NWD2: variants seen among roughly 807,000 people sequenced by gnomAD.
NWD2 encodes the protein NACHT and WD repeat domain-containing protein 2.
A neutral mutation model predicts 132.7 loss-of-function variants in NWD2; 37 were observed. That is an observed-to-expected ratio of 0.28 (90% CI 0.21 to 0.37). The LOEUF is 0.37. NWD2 is among the 10% of genes least tolerant of loss of function. The pLI is 1.00. For missense variants in NWD2, 1,592 were observed against 2,122.4 expected, an observed-to-expected ratio of 0.75 and a Z score of 4.91; for synonymous variants, 705 against 803.0, an observed-to-expected ratio of 0.88 and a Z score of 2.06.
chr4:37,270,967 T>C (rs1577650462), intron 1 of NWD2, among the ~76,000 whole-genome samples: 1 of 152,022 alleles, frequency 6.6e-6, no homozygotes, highest in East Asian at 1.9e-4. Flanking sequence ...TACATTTATC[T>C]GGTTGTCCTT....
At chr4:37,260,634 G>A (rs16993382) in intron 1 of NWD2, among the ~76,000 whole-genome samples, 3,587 of 152,252 alleles carry the variant, frequency 0.024, 152 homozygotes, top group African/African-American at 0.082. Flanking sequence ...ATACAACAAA[G>A]TTTGTGAGGA....
rs139157706 is a variant in NWD2 at position 37,397,843 on chromosome 4, G to C, written c.358-32729G>C. On this transcript the variant is annotated intron_variant, in intron 3 of 6. Transcript: ENST00000309447. Reference sequence around the variant, plus strand: ...CCTCCCTCCTCTACTGCATCTTTCTGTTATTCTCTCTGTCCACTGCCTCTG... The same window carrying C: ...CCTCCCTCCTCTACTGCATCTTTCTCTTATTCTCTCTGTCCACTGCCTCTG... Among the ~76,000 whole-genome samples the C allele has an allele frequency of 1.7e-4, 26 of 151,170 alleles. No homozygotes were observed. In the East Asian group the frequency reaches 4.3e-3, roughly 25 times the overall value.
chr4:37,325,896 G>C (rs771290068), intron 1 of NWD2, 40 bp from the exon 2 acceptor site: 1 of 1,211,160 alleles, frequency 8.3e-7, no homozygotes, highest in South Asian at 1.4e-5. Context: ...ACATATGTGT[G>C]GACATACTCA....
In NWD2 at chr4:37,244,976, A is replaced by G. The variant is rs1234710335; in HGVS notation, c.-92A>G. 4.7e-6 allele frequency: 7 copies of G among 1,499,132 alleles called. No individual in the cohort carries two copies. In the Admixed American group the frequency reaches 1.4e-4, roughly 30 times the overall value. The allele number at this position is 1,499,132 out of a possible 1,614,324, so 92.9% of individuals were successfully genotyped here. A position where few individuals can be genotyped will look rare whatever the true frequency, so the allele number is the denominator to read the frequency against. On this transcript the variant is annotated 5_prime_UTR_variant, in exon 1 of 7. Coordinates refer to ENST00000309447, the MANE Select transcript of NWD2 (RefSeq NM_001144990.2). This position sits in a 1 kb window ranked among gnomAD's most constrained non-coding sequence, Gnocchi z 5.5. ...TGAGCCGCGCCGCCTGCTGAGATCG[A>G]CCGCCTGCTGAGCCGTTCCGTGGAG...
chr4:37,441,241 T>C (rs1201961143), intron 6 of NWD2, among the ~76,000 whole-genome samples: 1 of 152,228 alleles, frequency 6.6e-6, no homozygotes, highest in African/African-American at 2.4e-5. Context: ...TTGCATTGCA[T>C]AAATTGTGTA....
At chr4:37,246,010 C>T (rs1236624098) in intron 1 of NWD2, among the ~76,000 whole-genome samples, 1 of 152,116 alleles carries the variant, frequency 6.6e-6, no homozygotes, top group African/African-American at 2.4e-5. Context: ...TAGTCCTCAA[C>T]GTTAGATTTC....
chr4:37,354,852 A>G (rs1159394072), intron 2 of NWD2, among the ~76,000 whole-genome samples: 1 of 152,232 alleles, frequency 6.6e-6, no homozygotes, highest in Non-Finnish European at 1.5e-5. Flanking sequence ...TTAACAACAG[A>G]TAAGCCATAA....
intron 1 of NWD2, among the ~76,000 whole-genome samples, chr4:37,318,199 A>AT (rs1223377015): frequency 1.3e-5 from 2 of 151,034 alleles, no homozygotes; most frequent in Admixed American, 6.6e-5. Flanking sequence ...TAATTTTTGT[A>AT]TTTTTTTAGT....
At chr4:37,349,150 C>T (rs1297907726) in intron 2 of NWD2, among the ~76,000 whole-genome samples, 1 of 152,042 alleles carries the variant, frequency 6.6e-6, no homozygotes, top group Non-Finnish European at 1.5e-5. Flanking sequence ...CATATGTGTG[C>T]ATGTGTTTTT....
chr4:37,390,204 T>C (rs1048416313), intron 3 of NWD2, among the ~76,000 whole-genome samples: 1 of 152,194 alleles, frequency 6.6e-6, no homozygotes, highest in African/African-American at 2.4e-5. Context: ...GGCAGTGTTT[T>C]TATACTGAAA....
intron 3 of NWD2, among the ~76,000 whole-genome samples, chr4:37,370,858 A>T (rs868680542): frequency 2.0e-5 from 3 of 152,220 alleles, no homozygotes; most frequent in Middle Eastern, 3.4e-3. Flanking sequence ...TCTGAAAAGA[A>T]CAAGCCTACA....
intron 3 of NWD2, among the ~76,000 whole-genome samples, chr4:37,375,358 T>G (rs1361334367): frequency 6.6e-6 from 1 of 152,218 alleles, no homozygotes; most frequent in Admixed American, 6.5e-5. Flanking sequence ...TTTTAACTAA[T>G]ATTTTAAATA....
chr4:37,393,504 A>G (rs1311220727), intron 3 of NWD2, among the ~76,000 whole-genome samples: 2 of 152,210 alleles, frequency 1.3e-5, no homozygotes, highest in Non-Finnish European at 2.9e-5. Context: ...TACAACTGGA[A>G]AGTTTCCAAA....
At chr4:37,431,730 T>A (rs559786454) in intron 4 of NWD2, among the ~76,000 whole-genome samples, 1 of 152,200 alleles carries the variant, frequency 6.6e-6, no homozygotes, top group Non-Finnish European at 1.5e-5. Context: ...CATCACATTG[T>A]GCACCTTTAA....
intron 1 of NWD2, among the ~76,000 whole-genome samples, chr4:37,303,654 C>T (rs962077590): frequency 2.0e-5 from 3 of 152,004 alleles, no homozygotes; most frequent in Non-Finnish European, 2.9e-5. Context: ...AGAGATCTTG[C>T]ACATTTTTGG....
intron 1 of NWD2, among the ~76,000 whole-genome samples, chr4:37,308,835 T>G (rs1053724365): frequency 1.3e-5 from 2 of 152,120 alleles, no homozygotes; most frequent in Non-Finnish European, 2.9e-5. Flanking sequence ...CTCAGGCTTC[T>G]AAGGGGAATG....
chr4:37,394,246 A>G (rs1457224229), intron 3 of NWD2, among the ~76,000 whole-genome samples: 3 of 152,194 alleles, frequency 2.0e-5, no homozygotes, highest in Non-Finnish European at 1.5e-5. Context: ...CTTCTTTGCC[A>G]TATTTTCTTT....
chr4:37,400,304 T>G (rs1720874586), intron 3 of NWD2, among the ~76,000 whole-genome samples: 1 of 152,202 alleles, frequency 6.6e-6, no homozygotes, highest in African/African-American at 2.4e-5. Context: ...AAAGAGAAAT[T>G]ACCTTTGTGA....
intron 1 of NWD2, among the ~76,000 whole-genome samples, chr4:37,276,998 G>A (rs139806804): frequency 1.3e-4 from 20 of 152,124 alleles, no homozygotes; most frequent in Middle Eastern, 3.4e-3. Flanking sequence ...GTTGGGGGAT[G>A]GGGGAGGGAT....
Sources: gnomAD v4.1 joint callset for allele counts (sites outside exome capture counted in the v4.1 genomes callset) on GRCh38, gnomAD v4.1.1 for gene constraint, Gnocchi (gnomAD v3.1) non-coding constraint, MANE v1.5 for transcripts, NCBI Gene and HGNC (gene_info 2026-07-23, HGNC 2026-07-21) for gene names.